Variants in ST8SIA5 observed in about 807,000 individuals in gnomAD.
ST8SIA5 encodes the protein alpha-2,8-sialyltransferase 8E.
ST8SIA5 carries 24 observed loss-of-function variants against 40.2 expected under a neutral mutation model. That is an observed-to-expected ratio of 0.60 (90% confidence interval 0.43 to 0.84). The LOEUF (loss-of-function observed/expected upper bound fraction) is 0.84. ST8SIA5 is among the 40% of genes least tolerant of loss of function. ST8SIA5 has a pLI of 0.00. For synonymous variants in ST8SIA5, 198 were observed against 201.8 expected (o/e 0.98, Z 0.16); for missense variants, 465 against 498.5 (o/e 0.93, Z 0.64).
At chr18:46,746,640 T>C (rs532940564) in intron 1 of ST8SIA5, among the ~76,000 whole-genome samples, 1 of 152,184 alleles carries the variant, frequency 6.6e-6, no homozygotes, top group Non-Finnish European at 1.5e-5. Flanking sequence ...ATGGCCATAC[T>C]GCCCAAGGTA....
At chr18:46,686,771 C>A (rs1400165617) in intron 4 of ST8SIA5, among the ~76,000 whole-genome samples, 1 of 140,780 alleles carries the variant, frequency 7.1e-6, no homozygotes, top group African/African-American at 2.7e-5. Context: ...CTCTCACAGC[C>A]AGTAGGTGAG....
chr18:46,717,987 C>A (rs111447521), intron 1 of ST8SIA5, among the ~76,000 whole-genome samples: 2 of 152,166 alleles, frequency 1.3e-5, no homozygotes, highest in Non-Finnish European at 2.9e-5. Flanking sequence ...CTTCACAGGC[C>A]TTCCTACTTG....
intron 5 of ST8SIA5, among the ~76,000 whole-genome samples, chr18:46,685,189 C>G (rs970904321): frequency 2.0e-5 from 3 of 152,192 alleles, no homozygotes; most frequent in Non-Finnish European, 4.4e-5. Context: ...AATGCTGGAG[C>G]CTGGATCAAA....
Position 46,681,975 on chromosome 18 carries a change from T to G in ST8SIA5, c.659A>C (p.Glu220Ala), listed in dbSNP as rs1568248272. Reference sequence around the variant, plus strand: ...CTCTAGAAAGAGGGCCACTGACCTCTCTGTGATGATGCTGGGGTTCACAGT... The same window carrying G: ...CTCTAGAAAGAGGGCCACTGACCTCGCTGTGATGATGCTGGGGTTCACAGT... Reference protein sequence around the residue: ...VVTVNPSIITERFHKLEKWRR... With the variant: ...VVTVNPSIITARFHKLEKWRR... Residue 220 changes from glutamate (E) to alanine (A), a missense_variant, in exon 6 of 7, where the codon GAG becomes GCG. Transcript: ENST00000315087. 1 of 1,613,982 alleles carries G rather than the reference T, an allele frequency of 6.2e-7. No individual in the cohort carries two copies.
chr18:46,756,640 G>T lies in ST8SIA5; in HGVS notation c.-132C>A, dbSNP rs1233129744. On this transcript the variant is annotated 5_prime_UTR_variant, in exon 1 of 7. Coordinates refer to ENST00000315087, the MANE Select transcript of ST8SIA5 (RefSeq NM_013305.6). ...GGTCAGGCAGGCGGGGGACTTCGAG[G>T]GGCAAAGTTTCTGGTTGGCGCGGCC... 5 of 1,126,500 alleles carry T rather than the reference G, an allele frequency of 4.4e-6. No homozygotes were observed. Among genetic ancestry groups the T allele is most frequent in the Non-Finnish European group, 6.1e-6 (5 of 815,756 alleles). 69.8% of individuals were successfully genotyped at this position (1,126,500 alleles called of 1,614,324 possible).
chr18:46,734,116 G>A lies in ST8SIA5; in HGVS notation c.131+22262C>T, dbSNP rs553625493. ...TTCCCACCCAGATTAGAGCGGAGAT[G>A]CTTCTGGTTGCGCCGCATTCTCAGC... On this transcript the variant is annotated intron_variant, in intron 1 of 6. Transcript: ENST00000315087. Among the ~76,000 whole-genome samples the A allele has an allele frequency of 2.0e-5, 3 of 152,274 alleles. No homozygotes were observed. In the South Asian group the frequency reaches 6.2e-4, roughly 32 times the overall value.
rs59787548 is a variant in ST8SIA5 at position 46,695,163 on chromosome 18, G to GAAA, written c.225-2911_225-2909dup. Among the ~76,000 whole-genome samples, 511 of 137,382 alleles carry GAAA rather than the reference G, an allele frequency of 3.7e-3. 6 individuals carry two copies. Among genetic ancestry groups the GAAA allele is most frequent in the African/African-American group, 0.011 (395 of 36,916 alleles). 90.1% of individuals were successfully genotyped at this position (137,382 alleles called of 152,430 possible). A position where few individuals can be genotyped will look rare whatever the true frequency, so the allele number is the denominator to read the frequency against. Reference sequence around the variant, plus strand: ...GACAGAGCAAGAATCCATCTCAAAAGAAAAAAAAAAAAAACCCTTTTTAAA... The same window carrying GAAA: ...GACAGAGCAAGAATCCATCTCAAAAGAAAAAAAAAAAAAAAAACCCTTTTTAAA... On this transcript the variant is annotated intron_variant, in intron 2 of 6. Coordinates refer to ENST00000315087, the MANE Select transcript of ST8SIA5 (RefSeq NM_013305.6).
chr18:46,668,583 T>C lies in ST8SIA5; in HGVS notation c.*11459A>G, dbSNP rs1192116464. The C allele has an allele frequency of 1.3e-5, 2 of 152,376 alleles. No individual in the cohort carries two copies. The highest frequency in any genetic ancestry group is 2.1e-4 in the South Asian group (1 of 4,832). The allele number at this position is 152,376 out of a possible 1,614,324, so 9.4% of individuals were successfully genotyped here. ...ACAATCCATTGTATGCTTATTGAGA[T>C]ACAGTGTTAATTTTTAAGAAAATAC... On this transcript the variant is annotated 3_prime_UTR_variant, in exon 7 of 7. Transcript: ENST00000315087.
At position 46,670,353 on chromosome 18, in the gene ST8SIA5, G is replaced by A. The variant is rs1346485870; in HGVS notation, c.*9689C>T. On this transcript the variant is annotated 3_prime_UTR_variant, in exon 7 of 7. Coordinates refer to ENST00000315087, the MANE Select transcript of ST8SIA5 (RefSeq NM_013305.6). ...GAGCTGAAATGCTGTGTTGCTCCCG[G>A]GGTTATTATAACATATTCTCCCTCT... The A allele has an allele frequency of 2.0e-5, 3 of 152,170 alleles. No individual in the cohort carries two copies. Among genetic ancestry groups the A allele is most frequent in the East Asian group, 1.9e-4 (1 of 5,188 alleles). The allele number at this position is 152,170 out of a possible 1,614,324, so 9.4% of individuals were successfully genotyped here.
In ST8SIA5 at chr18:46,756,469, C is replaced by G. The variant is rs2040248434; in HGVS notation, c.40G>C (p.Gly14Arg). Residue 14 changes from glycine to arginine, a missense_variant, in exon 1 of 7, where the codon GGG (glycine) becomes CGG (arginine). Transcript: ENST00000315087. ...ADPSANRDLL[G>R]SRTLLFIFIC... Reference sequence around the variant, plus strand: ...AAGATGAAGAGCAAAGTTCGGCTCCCCAACAAATCCCGGTTGGCCGAGGGG... The same window carrying G: ...AAGATGAAGAGCAAAGTTCGGCTCCGCAACAAATCCCGGTTGGCCGAGGGG... 1.2e-6 allele frequency: 2 copies of G among 1,613,192 alleles called. No individual in the cohort carries two copies. The highest frequency in any genetic ancestry group is 4.5e-5 in the East Asian group (2 of 44,828).
At position 46,714,048 on chromosome 18, in the gene ST8SIA5, C is replaced by A. The variant is rs906655977; in HGVS notation, c.132-9384G>T. On this transcript the variant is annotated intron_variant, in intron 1 of 6. Transcript: ENST00000315087. ...AGCCTCCAAAAGGCAAGCCTAAGAG[C>A]CCCAGCTGAGACTTAGGGAGGAAAG... Among the ~76,000 whole-genome samples the A allele has an allele frequency of 2.6e-5, 4 of 152,278 alleles. No individual in the cohort carries two copies. In the South Asian group the frequency reaches 6.2e-4, roughly 24 times the overall value.
Position 46,703,795 on chromosome 18 carries a change from A to G in ST8SIA5, c.224+777T>C, listed in dbSNP as rs144704293. Among the ~76,000 whole-genome samples the G allele has an allele frequency of 1.8e-3, 277 of 152,288 alleles. 1 individual carries two copies. The highest frequency in any genetic ancestry group is 3.4e-3 in the Middle Eastern group (1 of 294). ...ATAAATACAGATTCTGTCATGACTA[A>G]TATAGTACCAATTCTTCTAAATGGG... On this transcript the variant is annotated intron_variant, in intron 2 of 6. Coordinates refer to ENST00000315087, the MANE Select transcript of ST8SIA5 (RefSeq NM_013305.6).
At chr18:46,725,834 T>G (rs899498421) in intron 1 of ST8SIA5, among the ~76,000 whole-genome samples, 5 of 150,512 alleles carry the variant, frequency 3.3e-5, no homozygotes, top group Non-Finnish European at 7.4e-5. Flanking sequence ...GAAAAAACAT[T>G]TCATGGCTGG....
At position 46,698,259 on chromosome 18, in the gene ST8SIA5, C is replaced by T. The variant is rs1212651929; in HGVS notation, c.225-6004G>A. Among the ~76,000 whole-genome samples the T allele has an allele frequency of 2.0e-5, 3 of 151,948 alleles. No individual in the cohort carries two copies. In the East Asian group the frequency reaches 5.8e-4, roughly 29 times the overall value. ...ACCAACAATCAAAACAACAACCCAA[C>T]AATCCACAACACCAATCAAACCAAC... On this transcript the variant is annotated intron_variant, in intron 2 of 6. Transcript: ENST00000315087.
intron 1 of ST8SIA5, among the ~76,000 whole-genome samples, chr18:46,748,246 T>A (rs1255640221): frequency 7.1e-6 from 1 of 141,450 alleles, no homozygotes; most frequent in Non-Finnish European, 1.5e-5. Flanking sequence ...ATTAATTAAT[T>A]TAAAAAAATA....
intron 5 of ST8SIA5, among the ~76,000 whole-genome samples, chr18:46,682,820 AAG>A (rs371340285): frequency 1.3e-5 from 2 of 152,342 alleles, no homozygotes; most frequent in African/African-American, 4.8e-5. Flanking sequence ...GAGTCAGAGA[AAG>A]AGACTGAAAG....
In ST8SIA5 at chr18:46,668,912, G is replaced by A. The variant is rs1264208698; in HGVS notation, c.*11130C>T. 1 of 152,432 alleles carries A rather than the reference G, an allele frequency of 6.6e-6. No homozygotes were observed. The highest frequency in any genetic ancestry group is 1.5e-5 in the Non-Finnish European group (1 of 68,200). The allele number at this position is 152,432 out of a possible 1,614,324, so 9.4% of individuals were successfully genotyped here. A position where few individuals can be genotyped will look rare whatever the true frequency, so the allele number is the denominator to read the frequency against. ...GTAGTCTGGCAGGAGCTGCCACTTG[G>A]GACCCCTCCAGCTGCCTCCCACATG... On this transcript the variant is annotated 3_prime_UTR_variant, in exon 7 of 7. Coordinates refer to ENST00000315087, the MANE Select transcript of ST8SIA5 (RefSeq NM_013305.6).
At chr18:46,711,862 C>T (rs1008759687) in intron 1 of ST8SIA5, among the ~76,000 whole-genome samples, 1 of 152,216 alleles carries the variant, frequency 6.6e-6, no homozygotes, top group African/African-American at 2.4e-5. Flanking sequence ...CCTCTTTGGG[C>T]CACAGTTCAC....
rs553020100 is a variant in ST8SIA5, at chr18:46,734,450, TA to T, written c.131+21927del. On this transcript the variant is annotated intron_variant, in intron 1 of 6. Transcript: ENST00000315087. ...GGCAGTACACCTGGGGTTGCCTCTC[TA>T]ATCTTTTGGGCAGAAATTTCACTCT... Among the ~76,000 whole-genome samples, 979 of 150,070 alleles carry T rather than the reference TA, an allele frequency of 6.5e-3. 8 individuals carry two copies. Among genetic ancestry groups the T allele is most frequent in the Non-Finnish European group, 8.8e-3 (593 of 67,464 alleles).
Sources: allele counts gnomAD v4.1 joint callset (sites outside exome capture counted in the v4.1 genomes callset), GRCh38; gene constraint gnomAD v4.1.1; transcripts MANE v1.5; gene names NCBI Gene and HGNC (gene_info 2026-07-23, HGNC 2026-07-21).